Variants in ADCY2 observed in about 807,000 individuals in gnomAD.
The protein encoded by ADCY2 is adenylate cyclase type 2.
Under a neutral mutation model 125.2 loss-of-function variants are expected in ADCY2, and 31 were observed. That is an observed-to-expected ratio of 0.25 (90% CI 0.19 to 0.33). ADCY2 has a LOEUF of 0.33. Ranked by LOEUF, ADCY2 falls within the 10% of genes least tolerant of loss-of-function variation. ADCY2 has a pLI of 1.00. For missense variants in ADCY2, 904 were observed against 1,418.2 expected, an observed-to-expected ratio of 0.64 and a Z score of 5.82; for synonymous variants, 512 against 548.4, an observed-to-expected ratio of 0.93 and a Z score of 0.93.
chr5:7,607,171 C>T (rs1333876813), intron 3 of ADCY2, among the ~76,000 whole-genome samples: 1 of 152,162 alleles, frequency 6.6e-6, no homozygotes, highest in African/African-American at 2.4e-5. Flanking sequence ...CAGCAGCCCT[C>T]CTGATGTAGT....
intron 15 of ADCY2, chr5:7,746,378 C>A (rs1361602091): frequency 1.3e-5 from 2 of 152,014 alleles, no homozygotes; most frequent in Non-Finnish European, 2.9e-5. Flanking sequence ...AGAAGGAATT[C>A]TTTTCACTTT....
intron 2 of ADCY2, among the ~76,000 whole-genome samples, chr5:7,417,921 A>C (rs1345251315): frequency 6.6e-6 from 1 of 152,198 alleles, no homozygotes; most frequent in African/African-American, 2.4e-5. Context: ...TCATATGTTC[A>C]TTGACAGATG....
intron 2 of ADCY2, among the ~76,000 whole-genome samples, chr5:7,514,234 G>A (rs1744175932): frequency 6.6e-6 from 1 of 152,198 alleles, no homozygotes. Context: ...AGAGGCCTGA[G>A]ACAGAGTGGA....
intron 3 of ADCY2, among the ~76,000 whole-genome samples, chr5:7,548,430 G>T (rs575177939): frequency 6.6e-6 from 1 of 152,158 alleles, no homozygotes; most frequent in South Asian, 2.1e-4. Context: ...TTAAAACTGG[G>T]TGAGAAAATA....
At chr5:7,576,502 G>T (rs1006407663) in intron 3 of ADCY2, among the ~76,000 whole-genome samples, 3 of 152,184 alleles carry the variant, frequency 2.0e-5, no homozygotes. Context: ...AACTTTTCAT[G>T]ATACCTTATG....
chr5:7,423,956 G>A (rs1263400424), intron 2 of ADCY2, among the ~76,000 whole-genome samples: 1 of 152,182 alleles, frequency 6.6e-6, no homozygotes, highest in African/African-American at 2.4e-5. Context: ...GCCAATGTGT[G>A]TTAAGGAGTC....
At chr5:7,666,233 G>A (rs1456506403) in intron 4 of ADCY2, among the ~76,000 whole-genome samples, 1 of 151,962 alleles carries the variant, frequency 6.6e-6, no homozygotes, top group East Asian at 1.9e-4. Flanking sequence ...ATGTTAAAGA[G>A]GCCATTTCCT....
intron 4 of ADCY2, among the ~76,000 whole-genome samples, chr5:7,669,945 T>C (rs558558802): frequency 5.3e-5 from 8 of 152,348 alleles, no homozygotes; most frequent in East Asian, 1.9e-4. Flanking sequence ...GTCATGTTCC[T>C]CAATGGTTTA....
chr5:7,557,405 A>C (rs1486035410), intron 3 of ADCY2, among the ~76,000 whole-genome samples: 2 of 152,018 alleles, frequency 1.3e-5, no homozygotes, highest in African/African-American at 4.8e-5. Context: ...TCAGGGGTAC[A>C]TGTGTAGGTT....
In ADCY2 at chr5:7,418,647, G is replaced by GTTTTTTTTTTT. The variant is rs869287430; in HGVS notation, c.408+3893_408+3903dup. 4.3e-4 allele frequency among the ~76,000 whole-genome samples: 32 copies of GTTTTTTTTTTT among 73,764 alleles called. 7 individuals are homozygous for GTTTTTTTTTTT. The highest frequency in any genetic ancestry group is 1.8e-3 in the African/African-American group (29 of 16,068). The allele number at this position is 73,764 out of a possible 152,430, so 48.4% of individuals were successfully genotyped here. ...AATTAAAAACAAAAGTCTACCTTCT[G>GTTTTTTTTTTT]TTTTTTTTTTTTTTTTTTTTTTTTT... On this transcript the variant is annotated intron_variant, in intron 2 of 24. Transcript: ENST00000338316.
Position 7,828,437 on chromosome 5 carries a change from G to A in ADCY2, c.*1566G>A, listed in dbSNP as rs1005086832. 3 of 152,154 alleles carry A rather than the reference G, an allele frequency of 2.0e-5. No individual in the cohort carries two copies. The highest frequency in any genetic ancestry group is 2.9e-5 in the Non-Finnish European group (2 of 68,038). 9.4% of individuals were successfully genotyped at this position (152,154 alleles called of 1,614,324 possible). On this transcript the variant is annotated 3_prime_UTR_variant, in exon 25 of 25. Coordinates refer to ENST00000338316, the MANE Select transcript of ADCY2 (RefSeq NM_020546.3). ...CTTATGGACTCGCTAGTGATTAAACGAGGCAATGACTGTGAGCGAGCCTGG... is the reference window on the plus strand; with the variant it reads ...CTTATGGACTCGCTAGTGATTAAACAAGGCAATGACTGTGAGCGAGCCTGG...
chr5:7,612,787 C>T (rs1381623676), intron 3 of ADCY2, among the ~76,000 whole-genome samples: 2 of 152,100 alleles, frequency 1.3e-5, no homozygotes, highest in Admixed American at 6.5e-5. Context: ...GAGGCCGAGG[C>T]TGGCGGATCA....
At chr5:7,735,084 G>T (rs987876852) in intron 14 of ADCY2, among the ~76,000 whole-genome samples, 4 of 152,084 alleles carry the variant, frequency 2.6e-5, no homozygotes, top group Admixed American at 6.5e-5. Context: ...TAGATTTTGG[G>T]AGACAGAAGC....
At chr5:7,442,018 T>G (rs1579447006) in intron 2 of ADCY2, among the ~76,000 whole-genome samples, 1 of 152,202 alleles carries the variant, frequency 6.6e-6, no homozygotes, top group South Asian at 2.1e-4. Context: ...TCCTATTGAT[T>G]CTATTTCTGT....
At chr5:7,492,001 C>T (rs573607270) in intron 2 of ADCY2, among the ~76,000 whole-genome samples, 4 of 152,360 alleles carry the variant, frequency 2.6e-5, no homozygotes, top group Non-Finnish European at 2.9e-5. Context: ...GGGCTCTGCC[C>T]TGAAAGAGCA....
At chr5:7,530,751 G>A (rs1006580402) in intron 3 of ADCY2, among the ~76,000 whole-genome samples, 6 of 152,020 alleles carry the variant, frequency 3.9e-5, no homozygotes, top group Non-Finnish European at 8.8e-5. Flanking sequence ...TAGCCTCGAT[G>A]TACCTTCCTA....
intron 3 of ADCY2, among the ~76,000 whole-genome samples, chr5:7,597,578 G>A (rs1325323384): frequency 1.3e-5 from 2 of 152,190 alleles, no homozygotes; most frequent in African/African-American, 2.4e-5. Context: ...AGTGCAAGAT[G>A]AGCCTGAGCA....
At chr5:7,805,035 G>A (rs956855043) in intron 22 of ADCY2, among the ~76,000 whole-genome samples, 1 of 152,092 alleles carries the variant, frequency 6.6e-6, no homozygotes, top group African/African-American at 2.4e-5. Flanking sequence ...TATAGTCAAG[G>A]CCGTGTGCGG....
intron 16 of ADCY2, among the ~76,000 whole-genome samples, chr5:7,759,486 A>G (rs560295545): frequency 6.6e-6 from 1 of 152,250 alleles, no homozygotes; most frequent in South Asian, 2.1e-4. Flanking sequence ...CCCTGTGGAG[A>G]GGTCCTGACA....
Sources: gnomAD v4.1 joint callset for allele counts (sites outside exome capture counted in the v4.1 genomes callset) on GRCh38, gnomAD v4.1.1 for gene constraint, MANE v1.5 for transcripts, NCBI Gene and HGNC (gene_info 2026-07-23, HGNC 2026-07-21) for gene names.